The following KCNIP1 variants were observed in gnomAD, a reference collection of about 807,000 sequenced individuals.
KCNIP1 encodes the protein A-type potassium channel modulatory protein KCNIP1.
In KCNIP1, 18 loss-of-function variants were observed where a neutral mutation model predicts 33.0. The ratio of observed to expected loss-of-function variants is 0.55; its 90% CI spans 0.38 to 0.81. The LOEUF (loss-of-function observed/expected upper bound fraction) is 0.81. Ranked by LOEUF, KCNIP1 falls within the 30% of genes least tolerant of loss-of-function variation. KCNIP1 has a pLI of 0.00. For synonymous variants in KCNIP1, 93 were observed against 98.3 expected, an observed-to-expected ratio of 0.95 and a Z score of 0.32; for missense variants, 238 against 271.6, an observed-to-expected ratio of 0.88 and a Z score of 0.87.
At chr5:170,666,148 G>C (rs1581470187) in intron 1 of KCNIP1, among the ~76,000 whole-genome samples, 1 of 152,154 alleles carries the variant, frequency 6.6e-6, no homozygotes, top group African/African-American at 2.4e-5. Flanking sequence ...GAATTATTCT[G>C]CATAAGAGAT....
At chr5:170,540,540 C>G (rs892127961) in intron 1 of KCNIP1, among the ~76,000 whole-genome samples, 2 of 152,196 alleles carry the variant, frequency 1.3e-5, no homozygotes, top group Non-Finnish European at 2.9e-5. Context: ...TGGAAATTCA[C>G]AAGCCCACCA....
At chr5:170,649,170 TATTGTTGAACGC>T in intron 1 of KCNIP1, among the ~76,000 whole-genome samples, 1 of 152,284 alleles carries the variant, frequency 6.6e-6, no homozygotes, top group Admixed American at 6.5e-5. Flanking sequence ...CCTAAAAAAT[TATTGTTGAACGC>T]ATTTTTTAAG....
intron 1 of KCNIP1, among the ~76,000 whole-genome samples, chr5:170,440,693 T>C (rs1286971180): frequency 1.3e-5 from 2 of 152,202 alleles, no homozygotes; most frequent in African/African-American, 4.8e-5. Context: ...GTTCCCATCA[T>C]GCCCCTACCA....
At chr5:170,667,859 G>T (rs77213339) in intron 1 of KCNIP1, among the ~76,000 whole-genome samples, 1 of 152,116 alleles carries the variant, frequency 6.6e-6, no homozygotes, top group Non-Finnish European at 1.5e-5. Context: ...TTCATCATTC[G>T]GGACTCTTCC....
chr5:170,433,632 A>G (rs575913190), intron 1 of KCNIP1, among the ~76,000 whole-genome samples: 4 of 152,350 alleles, frequency 2.6e-5, no homozygotes, highest in African/African-American at 9.6e-5. Context: ...GAGCAGGTAG[A>G]TCATCAGCAT....
intron 1 of KCNIP1, among the ~76,000 whole-genome samples, chr5:170,622,482 TGTG>T (rs1361981509): frequency 3.3e-5 from 5 of 151,822 alleles, no homozygotes; most frequent in African/African-American, 1.2e-4. Context: ...ATTAGCTGGG[TGTG>T]GTGGTGAGCA....
intron 1 of KCNIP1, among the ~76,000 whole-genome samples, chr5:170,538,387 ACC>A (rs1446753728): frequency 6.6e-6 from 1 of 152,012 alleles, no homozygotes; most frequent in Non-Finnish European, 1.5e-5. Flanking sequence ...GTTATTCCCA[ACC>A]CCCTTTCCAA....
intron 1 of KCNIP1, among the ~76,000 whole-genome samples, chr5:170,442,050 C>A (rs1581196433): frequency 1.3e-5 from 2 of 151,836 alleles, no homozygotes; most frequent in East Asian, 3.9e-4. Flanking sequence ...GAAGCCACCA[C>A]TCAGTGCCCC....
At chr5:170,674,492 C>T (rs977892422) in intron 1 of KCNIP1, among the ~76,000 whole-genome samples, 10 of 152,246 alleles carry the variant, frequency 6.6e-5, no homozygotes, top group African/African-American at 1.4e-4. Context: ...TCCTCCCTGC[C>T]GGGAGGCATC....
At chr5:170,636,603 GT>G (rs907793455) in intron 1 of KCNIP1, among the ~76,000 whole-genome samples, 2 of 152,152 alleles carry the variant, frequency 1.3e-5, no homozygotes, top group African/African-American at 4.8e-5. Context: ...CTCTGAGCAG[GT>G]ATTTTCCATC....
intron 1 of KCNIP1, among the ~76,000 whole-genome samples, chr5:170,478,640 T>A (rs981448887): frequency 6.6e-6 from 1 of 152,196 alleles, no homozygotes; most frequent in East Asian, 1.9e-4. Flanking sequence ...AGTTTTCCAT[T>A]GCAAGAACAA....
At chr5:170,602,930 G>A (rs571904542) in intron 1 of KCNIP1, among the ~76,000 whole-genome samples, 2 of 152,314 alleles carry the variant, frequency 1.3e-5, no homozygotes, top group South Asian at 2.1e-4. Context: ...CACACAGTTA[G>A]TGAGCACACT....
intron 1 of KCNIP1, among the ~76,000 whole-genome samples, chr5:170,439,771 A>G (rs13166142): frequency 0.38 from 57,884 of 152,144 alleles, 11,181 homozygotes; most frequent in Middle Eastern, 0.41. Flanking sequence ...CCAGCCCACA[A>G]CTCAGTCATG....
chr5:170,481,420 G>T (rs915480349), intron 1 of KCNIP1, among the ~76,000 whole-genome samples: 1 of 147,678 alleles, frequency 6.8e-6, no homozygotes, highest in Non-Finnish European at 1.5e-5. Context: ...TGCTGCTGCT[G>T]TGTCCACTGT....
chr5:170,532,118 G>A (rs1023172502), intron 1 of KCNIP1, among the ~76,000 whole-genome samples: 8 of 152,180 alleles, frequency 5.3e-5, no homozygotes, highest in Non-Finnish European at 1.0e-4. Context: ...CAGGATTTAA[G>A]CTGACCTAAA....
intron 1 of KCNIP1, among the ~76,000 whole-genome samples, chr5:170,622,791 C>T (rs936834787): frequency 6.6e-6 from 1 of 152,122 alleles, no homozygotes; most frequent in African/African-American, 2.4e-5. Context: ...GAGCACAGCC[C>T]TGCTGACACC....
Position 170,504,576 on chromosome 5 carries a change from G to A in KCNIP1, c.4G>A (p.Gly2Arg). 6.2e-7 allele frequency: 1 copy of A among 1,613,550 alleles called. No individual in the cohort carries two copies. The highest frequency in any genetic ancestry group is 8.5e-7 in the Non-Finnish European group (1 of 1,180,004). The change falls in exon 1 of 8, where the codon GGG becomes AGG. Residue 2 changes from glycine to arginine, a missense_variant. Coordinates refer to ENST00000328939, the MANE Select transcript of KCNIP1 (RefSeq NM_014592.4). The surrounding 1 kb of genome is among the most constrained non-coding windows in gnomAD (Gnocchi z 6.0). ...TCGCACTCAAGTCTTCGCTGCCATG[G>A]GGGCCGTCATGGGCACCTTCTCATC... M[G>R]AVMGTFSSLQ...
intron 1 of KCNIP1, among the ~76,000 whole-genome samples, chr5:170,498,337 G>A (rs187049994): frequency 3.5e-4 from 54 of 152,290 alleles, no homozygotes; most frequent in Admixed American, 2.0e-3. Flanking sequence ...GGGCTCAAAG[G>A]TCAAATAACT....
intron 1 of KCNIP1, among the ~76,000 whole-genome samples, chr5:170,615,140 G>A (rs907571348): frequency 5.9e-5 from 9 of 152,298 alleles, no homozygotes; most frequent in East Asian, 3.9e-4. Context: ...ACTTGAACCC[G>A]GGAGGTGGAG....
Sources: allele counts gnomAD v4.1 joint callset (sites outside exome capture counted in the v4.1 genomes callset), GRCh38; gene constraint gnomAD v4.1.1; non-coding constraint Gnocchi (gnomAD v3.1); transcripts MANE v1.5; gene names NCBI Gene and HGNC (gene_info 2026-07-23, HGNC 2026-07-21).